The following SPACA6 variants were observed in gnomAD, a reference collection of about 807,000 sequenced individuals.
SPACA6 encodes the protein sperm acrosome associated 6, also known as sperm acrosome membrane-associated protein 6.
For synonymous variants in SPACA6, 6 were observed against 1.5 expected, an observed-to-expected ratio of 4.05 and a Z score of -2.21; for missense variants, 8 against 2.8, an observed-to-expected ratio of 2.88 and a Z score of -1.34.
intron 2 of SPACA6, among the ~76,000 whole-genome samples, chr19:51,710,757 T>C (rs2083537864): frequency 6.6e-6 from 1 of 151,784 alleles, no homozygotes; most frequent in South Asian, 2.1e-4. Flanking sequence ...GAAAACAAGG[T>C]GGAGGAAAGC....
At chr19:51,700,948 A>G (rs557086796) in intron 2 of SPACA6, among the ~76,000 whole-genome samples, 37 of 152,276 alleles carry the variant, frequency 2.4e-4, no homozygotes, top group Middle Eastern at 3.4e-3. Flanking sequence ...GAGGCCAGGC[A>G]CGGTGGCTCA....
upstream of SPACA6, among the ~76,000 whole-genome samples, chr19:51,690,007 C>A (rs1217295887): frequency 3.9e-5 from 4 of 101,908 alleles, no homozygotes; most frequent in East Asian, 5.5e-4. Flanking sequence ...AAGGGTGAGC[C>A]GTGCCAGTGG....
rs2083493692 is a variant in SPACA6 at position 51,704,138 on chromosome 19, A to T, written c.682A>T (p.Ile228Phe). The stretch of plus-strand genomic sequence containing the variant: ...GCACCGCGGGACGTTCTCCTGCGTG[A>T]TCAAGCAAGACCAGCGCCCCCTGGC... ...LTHRGTFSCV[I>F]KQDQRPLARL... The change falls in exon 7 of 9, where the codon ATC becomes TTC. Residue 228 changes from isoleucine to phenylalanine, a missense_variant. Coordinates refer to ENST00000637797, the MANE Select transcript of SPACA6 (RefSeq NM_001316972.2). 2 of 400,908 alleles carry T rather than the reference A, an allele frequency of 5.0e-6. No individual in the cohort carries two copies. Among genetic ancestry groups the T allele is most frequent in the African/African-American group, 2.1e-5 (1 of 48,640 alleles). The allele number at this position is 400,908 out of a possible 1,614,324, so 24.8% of individuals were successfully genotyped here. A position where few individuals can be genotyped will look rare whatever the true frequency, so the allele number is the denominator to read the frequency against.
At chr19:51,701,807 T>C (rs1600141718) in intron 3 of SPACA6, 81 bp downstream of exon 3, 1 of 391,592 alleles carries the variant, frequency 2.6e-6, no homozygotes. Context: ...GGATGGTGGC[T>C]CACGCCTGTA....
chr19:51,692,025 G>C (rs2083378043), upstream of SPACA6, among the ~76,000 whole-genome samples: 1 of 152,118 alleles, frequency 6.6e-6, no homozygotes, highest in African/African-American at 2.4e-5. This position sits in a 1 kb window ranked among gnomAD's most constrained non-coding sequence, Gnocchi z 5.6. Context: ...CTCAGGGCCT[G>C]GTATGGGGTC....
At chr19:51,707,647 T>C (rs996428009), downstream of SPACA6, among the ~76,000 whole-genome samples, 13 of 152,190 alleles carry the variant, frequency 8.5e-5, no homozygotes, top group Non-Finnish European at 1.8e-4. Context: ...ATTCATTTAA[T>C]TCTAAAATCA....
Position 51,704,460 on chromosome 19 carries a change from G to T in SPACA6, c.921G>T (p.Ala307=). The T allele has an allele frequency of 2.5e-6, 1 of 401,166 alleles. No individual in the cohort carries two copies. Among genetic ancestry groups the T allele is most frequent in the Non-Finnish European group, 4.4e-6 (1 of 226,212 alleles). 24.9% of individuals were successfully genotyped at this position (401,166 alleles called of 1,614,324 possible). The change falls in exon 8 of 9, where the codon GCG becomes GCT. Residue 307 remains alanine, a synonymous_variant. Coordinates refer to ENST00000637797, the MANE Select transcript of SPACA6 (RefSeq NM_001316972.2). ...CAGTCCTCGGGGCCCTCGCATCAGC[G>T]AGTGCGACAGTGTTGGCGTGGTGAG... ...LLAVLGALAS[A]SATVLAWMFF...
chr19:51,703,082 C>G lies in SPACA6; in HGVS notation c.447C>G (p.Leu149=), dbSNP rs1426702919. Residue 149 remains leucine, a synonymous_variant, in exon 5 of 9, where the codon CTC becomes CTG. Coordinates refer to ENST00000637797, the MANE Select transcript of SPACA6 (RefSeq NM_001316972.2). This position sits in a 1 kb window ranked among gnomAD's most constrained non-coding sequence, Gnocchi z 4.2. Reference sequence around the variant, plus strand: ...GGTGCTACTCTAGGGTCTGCGACCTCCCGCTGGACTGCCCAGGTGAGGGGG... The same window carrying G: ...GGTGCTACTCTAGGGTCTGCGACCTGCCGCTGGACTGCCCAGGTGAGGGGG... ...CSGCYSRVCD[L]PLDCPVQDVT... 2 of 399,308 alleles carry G rather than the reference C, an allele frequency of 5.0e-6. No homozygotes were observed. The highest frequency in any genetic ancestry group is 4.1e-5 in the African/African-American group (2 of 48,664). The allele number at this position is 399,308 out of a possible 1,614,324, so 24.7% of individuals were successfully genotyped here. A position where few individuals can be genotyped will look rare whatever the true frequency, so the allele number is the denominator to read the frequency against.
chr19:51,688,551 G>A (rs2083339412), upstream of SPACA6: 1 of 86,616 alleles, frequency 1.2e-5, no homozygotes, highest in Non-Finnish European at 2.3e-5. Context: ...CCAGTGGGTG[G>A]GGGTGGGGGG....
At chr19:51,691,485 G>A (rs965511161), upstream of SPACA6, among the ~76,000 whole-genome samples, 1 of 150,752 alleles carries the variant, frequency 6.6e-6, no homozygotes, top group Non-Finnish European at 1.5e-5. Context: ...AGAAGGGGAG[G>A]ATGAAAGACA....
In SPACA6 at chr19:51,704,308, G is replaced by C. The variant is rs112367898; in HGVS notation, c.769G>C (p.Ala257Pro). Residue 257 changes from alanine to proline, a missense_variant, in exon 8 of 9, where the codon GCC becomes CCC. By Grantham distance (27) the Ala-to-Pro change is conservative. Coordinates refer to ENST00000637797, the MANE Select transcript of SPACA6 (RefSeq NM_001316972.2). The part of the protein sequence containing the change: ...PPPRAETELQ[A>P]SFREVLRWAP... ...CCCGCGGGCGGAGACAGAGTTGCAG[G>C]CCTCGTTCCGGGAAGTGCTGCGCTG... 7.5e-6 allele frequency: 3 copies of C among 400,838 alleles called. No homozygotes were observed. The highest frequency in any genetic ancestry group is 1.3e-5 in the Non-Finnish European group (3 of 226,080). The allele number at this position is 400,838 out of a possible 1,614,324, so 24.8% of individuals were successfully genotyped here.
chr19:51,695,810 G>A lies in SPACA6; in HGVS notation c.292+1255G>A, dbSNP rs913328205. ...GCTGGGTGAGGGTCCAGGCCAGAGC[G>A]GAGGCCCGAGTGGGGGCTGGGGCCG... On this transcript the variant is annotated intron_variant, in intron 2 of 8. Transcript: ENST00000637797. Among the ~76,000 whole-genome samples, 32 of 152,326 alleles carry A rather than the reference G, an allele frequency of 2.1e-4. No homozygotes were observed. The Middle Eastern group carries it at 0.01, about 49-fold the overall frequency.
At chr19:51,704,749 A>G in intron 8 of SPACA6, 2 of 301,452 alleles carry the variant, frequency 6.6e-6, no homozygotes, top group Non-Finnish European at 1.1e-5. Context: ...CTCCTCCCTC[A>G]GACCCAGGAT....
At chr19:51,709,018 G>A (rs1015988758), downstream of SPACA6, among the ~76,000 whole-genome samples, 1 of 152,108 alleles carries the variant, frequency 6.6e-6, no homozygotes, top group African/African-American at 2.4e-5. Flanking sequence ...CAGAGACCAT[G>A]GGGACCAGAT....
At chr19:51,697,521 C>A (rs1203444834) in intron 2 of SPACA6, among the ~76,000 whole-genome samples, 2 of 152,130 alleles carry the variant, frequency 1.3e-5, no homozygotes, top group African/African-American at 4.8e-5. Context: ...GGTTTTATAG[C>A]CCCGCTTATC....
upstream of SPACA6, chr19:51,687,557 G>T (rs2083334423): frequency 6.6e-6 from 1 of 151,814 alleles, no homozygotes; most frequent in Non-Finnish European, 1.5e-5. Flanking sequence ...GAGGAGGGTG[G>T]TATATATGTG....
chr19:51,694,279 G>T (rs897821484), intron 1 of SPACA6, 199 bp from the exon 2 acceptor site: 9 of 390,708 alleles, frequency 2.3e-5, no homozygotes, highest in African/African-American at 1.2e-4. Flanking sequence ...GCAGGATAGC[G>T]ACTGGTCGGG....
chr19:51,698,677 G>C (rs1232613844), intron 2 of SPACA6, among the ~76,000 whole-genome samples: 1 of 152,188 alleles, frequency 6.6e-6, no homozygotes, highest in Non-Finnish European at 1.5e-5. Context: ...TGTATATCCA[G>C]TGATCATTGT....
downstream of SPACA6, among the ~76,000 whole-genome samples, chr19:51,706,423 C>T (rs963971374): frequency 6.6e-5 from 10 of 152,128 alleles, no homozygotes; most frequent in Non-Finnish European, 1.3e-4. Flanking sequence ...TCCCTCAGGC[C>T]CCTTGCTACT....
Sources: allele counts gnomAD v4.1 joint callset (sites outside exome capture counted in the v4.1 genomes callset), GRCh38; gene constraint gnomAD v4.1.1; non-coding constraint Gnocchi (gnomAD v3.1); transcripts MANE v1.5; gene names NCBI Gene and HGNC (gene_info 2026-07-23, HGNC 2026-07-21).